PAK2: variants seen among roughly 807,000 people sequenced by gnomAD.
PAK2 encodes p21 (RAC1) activated kinase 2, also known as serine/threonine-protein kinase PAK 2.
In PAK2, 21 loss-of-function variants were observed where a neutral mutation model predicts 65.9. The observed-to-expected ratio is 0.32, with a 90% confidence interval of 0.23 to 0.46. The LOEUF is 0.46. PAK2 is among the 20% of genes least tolerant of loss of function. The probability of loss-of-function intolerance (pLI) is 1.00; values close to 1 mark genes in which losing one functional copy is unlikely to be tolerated. For missense variants in PAK2, 324 were observed against 642.6 expected, an observed-to-expected ratio of 0.50 and a Z score of 5.36; for synonymous variants, 204 against 219.7, an observed-to-expected ratio of 0.93 and a Z score of 0.63.
At chr3:196,772,745 C>A (rs1714398515) in intron 1 of PAK2, among the ~76,000 whole-genome samples, 1 of 145,384 alleles carries the variant, frequency 6.9e-6, no homozygotes, top group Non-Finnish European at 1.5e-5. Flanking sequence ...ATCTGAGGCT[C>A]TTTTGTGTTT....
At position 196,814,517 on chromosome 3, in the gene PAK2, G is replaced by A; in HGVS notation, c.1002G>A (p.Val334=). Residue 334 remains valine, a synonymous_variant, in exon 11 of 15, where the codon GTG becomes GTA. Transcript: ENST00000327134. ...TTGCTGGGGGGTCACTCACTGATGT[G>A]GTAACAGAAACGTGCATGGATGAAG... ...EYLAGGSLTD[V]VTETCMDEAQ... is the part of the protein sequence containing the mutation. 1 of 1,560,328 alleles carries A rather than the reference G, an allele frequency of 6.4e-7. No individual in the cohort carries two copies. Among genetic ancestry groups the A allele is most frequent in the Non-Finnish European group, 8.8e-7 (1 of 1,136,244 alleles).
At chr3:196,785,558 A>G (rs1476023565) in intron 2 of PAK2, among the ~76,000 whole-genome samples, 1 of 152,210 alleles carries the variant, frequency 6.6e-6, no homozygotes, top group African/African-American at 2.4e-5. Flanking sequence ...AAAACTGAGC[A>G]TCTTTTCGGG....
At chr3:196,811,178 A>C in intron 8 of PAK2, among the ~76,000 whole-genome samples, 1 of 136,230 alleles carries the variant, frequency 7.3e-6, no homozygotes, top group South Asian at 2.4e-4. Flanking sequence ...CATTTTTGAA[A>C]ACTTCCATAT....
chr3:196,814,666 G>C, intron 11 of PAK2, 98 bp downstream of exon 11: 1 of 701,604 alleles, frequency 1.4e-6, no homozygotes, highest in African/African-American at 1.8e-5. Flanking sequence ...TATTGTGGGA[G>C]GTGCTTTCTC....
chr3:196,797,741 ACT>A (rs1409851150), intron 2 of PAK2, among the ~76,000 whole-genome samples: 1 of 152,030 alleles, frequency 6.6e-6, no homozygotes, highest in South Asian at 2.1e-4. Context: ...ACAAAGCAAG[ACT>A]CTGTCTCAAA....
chr3:196,806,459 T>G, intron 5 of PAK2, 120 bp from the exon 6 acceptor site: 1 of 637,446 alleles, frequency 1.6e-6, no homozygotes, highest in Admixed American at 2.5e-5. Flanking sequence ...CTAATGAGAT[T>G]TAGTGGTTTT....
chr3:196,755,724 T>G (rs184529075), intron 1 of PAK2, among the ~76,000 whole-genome samples: 5 of 151,914 alleles, frequency 3.3e-5, no homozygotes, highest in Non-Finnish European at 5.9e-5. Context: ...TCCCAAAGTG[T>G]TGGGATTACA....
At chr3:196,810,408 C>G (rs957019593) in intron 7 of PAK2, among the ~76,000 whole-genome samples, 182 bp from the exon 8 acceptor site, 1 of 151,994 alleles carries the variant, frequency 6.6e-6, no homozygotes, top group African/African-American at 2.4e-5. Flanking sequence ...TACTTTTAAA[C>G]TTTTATTATG....
At chr3:196,790,893 C>T (rs1037981578) in intron 2 of PAK2, among the ~76,000 whole-genome samples, 2 of 152,212 alleles carry the variant, frequency 1.3e-5, no homozygotes, top group African/African-American at 2.4e-5. Flanking sequence ...AGTCTTAGGA[C>T]CACATGAGTA....
At chr3:196,757,319 C>T (rs191043636) in intron 1 of PAK2, among the ~76,000 whole-genome samples, 73 of 152,226 alleles carry the variant, frequency 4.8e-4, no homozygotes, top group Admixed American at 2.5e-3. Flanking sequence ...AGTGAAACTA[C>T]GCTGAAGTTA....
chr3:196,822,019 G>A (rs566491846), intron 13 of PAK2, among the ~76,000 whole-genome samples: 2 of 152,322 alleles, frequency 1.3e-5, no homozygotes, highest in East Asian at 1.9e-4. Flanking sequence ...GAAAGAAGCC[G>A]AACAACAGAT....
At chr3:196,745,957 CT>C (rs993164076) in intron 1 of PAK2, among the ~76,000 whole-genome samples, 48 of 151,032 alleles carry the variant, frequency 3.2e-4, no homozygotes, top group African/African-American at 1.1e-3. Context: ...ACTTCAGTCA[CT>C]TTTCTATGGT....
At position 196,812,808 on chromosome 3, in the gene PAK2, A is replaced by T; in HGVS notation, c.892A>T (p.Met298Leu). 1 of 1,578,856 alleles carries T rather than the reference A, an allele frequency of 6.3e-7. No homozygotes were observed. The highest frequency in any genetic ancestry group is 8.7e-7 in the Non-Finnish European group (1 of 1,148,360). The change falls in exon 10 of 15, where the codon ATG becomes TTG. Residue 298 changes from methionine to leucine, a missense_variant. Met to Leu is a conservative substitution (Grantham distance 15). Coordinates refer to ENST00000327134, the MANE Select transcript of PAK2 (RefSeq NM_002577.4). ...ACTGATCATTAACGAGATTCTGGTG[A>T]TGAAAGAATTGAAAAATCCCAACAT... The part of the protein sequence containing the change: ...KELIINEILV[M>L]KELKNPNIVN...
chr3:196,823,571 A>G lies in PAK2; in HGVS notation c.1350+3004A>G, dbSNP rs1222082378. 3.3e-5 allele frequency among the ~76,000 whole-genome samples: 5 copies of G among 152,010 alleles called. No individual in the cohort carries two copies. In the East Asian group the frequency reaches 9.7e-4, roughly 29 times the overall value. On this transcript the variant is annotated intron_variant, in intron 13 of 14. Transcript: ENST00000327134. The stretch of plus-strand genomic sequence containing the variant: ...AACAAACAAACAAACAAACAAACAA[A>G]AAAAACACCTTGGGCCGGGCACGGT...
chr3:196,756,792 T>C (rs1713784977), intron 1 of PAK2, among the ~76,000 whole-genome samples: 1 of 152,180 alleles, frequency 6.6e-6, no homozygotes, highest in Non-Finnish European at 1.5e-5. Flanking sequence ...GCTGAGATTG[T>C]GCCACTGCAC....
intron 2 of PAK2, among the ~76,000 whole-genome samples, chr3:196,784,510 AATG>A (rs1292374528): frequency 8.7e-6 from 1 of 115,202 alleles, no homozygotes; most frequent in Non-Finnish European, 1.8e-5. Context: ...GTTTACTGAG[AATG>A]ATGATTTCCA....
intron 1 of PAK2, 131 bp from the exon 2 acceptor site, chr3:196,782,495 G>C: frequency 1.8e-6 from 1 of 564,284 alleles, no homozygotes; most frequent in Admixed American, 3.3e-5. Flanking sequence ...GATTTTTCCA[G>C]ATTTTGCAAA....
At chr3:196,772,266 G>C (rs1310882746) in intron 1 of PAK2, among the ~76,000 whole-genome samples, 1 of 152,124 alleles carries the variant, frequency 6.6e-6, no homozygotes, top group South Asian at 2.1e-4. Context: ...AGGCAGACTG[G>C]GTTTTACTAC....
intron 1 of PAK2, among the ~76,000 whole-genome samples, chr3:196,749,473 G>C (rs1490399540): frequency 6.6e-6 from 1 of 152,036 alleles, no homozygotes; most frequent in African/African-American, 2.4e-5. Flanking sequence ...GTTTTGATTT[G>C]CATTTCTCTA....
Sources: allele counts gnomAD v4.1 joint callset (sites outside exome capture counted in the v4.1 genomes callset), GRCh38; gene constraint gnomAD v4.1.1; transcripts MANE v1.5; gene names NCBI Gene and HGNC (gene_info 2026-07-23, HGNC 2026-07-21).